The following CNTN6 variants were observed in gnomAD, a reference collection of about 807,000 sequenced individuals.
CNTN6 encodes contactin 6, also known as contactin-6.
A neutral mutation model predicts 122.8 loss-of-function variants in CNTN6; 137 were observed. That is an observed-to-expected ratio of 1.12 (90% CI 0.97 to 1.29). CNTN6 has a LOEUF of 1.29. Among genes scored for constraint, CNTN6 ranks in the 50% most tolerant of loss-of-function variants. The pLI is 0.00. For missense variants in CNTN6, 1,634 were observed against 1,223.4 expected, an observed-to-expected ratio of 1.34 and a Z score of -5.01; for synonymous variants, 570 against 426.0, an observed-to-expected ratio of 1.34 and a Z score of -4.16.
intron 2 of CNTN6, among the ~76,000 whole-genome samples, chr3:1,216,207 G>T (rs1455337276): frequency 6.6e-6 from 1 of 151,324 alleles, no homozygotes; most frequent in African/African-American, 2.4e-5. Flanking sequence ...AGAGGTAAAA[G>T]AAAAAGATAA....
intron 5 of CNTN6, among the ~76,000 whole-genome samples, chr3:1,291,672 T>C (rs538023776): frequency 5.3e-4 from 80 of 152,296 alleles, no homozygotes; most frequent in African/African-American, 1.9e-3. Flanking sequence ...CCTCTTTATA[T>C]TGAAGAAAAA....
intron 2 of CNTN6, among the ~76,000 whole-genome samples, chr3:1,179,158 C>A (rs1458724633): frequency 5.9e-5 from 9 of 152,034 alleles, no homozygotes; most frequent in Admixed American, 3.9e-4. Flanking sequence ...TTTTAAACAA[C>A]CAAATCTTGC....
At chr3:1,140,415 C>G (rs931556732) in intron 1 of CNTN6, among the ~76,000 whole-genome samples, 2 of 152,104 alleles carry the variant, frequency 1.3e-5, no homozygotes, top group African/African-American at 4.8e-5. Context: ...CGTTCTAGGT[C>G]ATGGACTAAA....
intron 7 of CNTN6, among the ~76,000 whole-genome samples, chr3:1,312,422 G>A (rs1032996726): frequency 2.0e-5 from 3 of 151,934 alleles, no homozygotes; most frequent in Non-Finnish European, 4.4e-5. Context: ...TTACTTTTAA[G>A]TAATTGGCAG....
rs554573382 is a variant in CNTN6 at position 1,230,788 on chromosome 3, T to C, written c.358+2795T>C. On this transcript the variant is annotated intron_variant, in intron 4 of 22. Coordinates refer to ENST00000446702, the MANE Select transcript of CNTN6 (RefSeq NM_001289080.2). ...AACTCATGCACTTCATGTCACAGTA[T>C]TGAGTCCTTCTCAAACACTGACCAC... Among the ~76,000 whole-genome samples the C allele has an allele frequency of 3.3e-5, 5 of 152,334 alleles. No homozygotes were observed. In the East Asian group the frequency reaches 5.8e-4, roughly 18 times the overall value.
chr3:1,292,119 C>G (rs1403911257), intron 5 of CNTN6, among the ~76,000 whole-genome samples: 1 of 152,038 alleles, frequency 6.6e-6, no homozygotes, highest in Non-Finnish European at 1.5e-5. Context: ...AGTAGATCAT[C>G]CACTGCTATC....
intron 5 of CNTN6, among the ~76,000 whole-genome samples, chr3:1,281,927 C>CT (rs1201408550): frequency 1.3e-5 from 2 of 151,658 alleles, no homozygotes; most frequent in African/African-American, 2.4e-5. Flanking sequence ...TTATACAAAA[C>CT]TTTTTTTTAA....
chr3:1,329,288 T>C (rs1445287113), intron 10 of CNTN6, among the ~76,000 whole-genome samples: 1 of 151,630 alleles, frequency 6.6e-6, no homozygotes, highest in Admixed American at 6.6e-5. Flanking sequence ...TATGTATGTA[T>C]ATGACATGTA....
intron 5 of CNTN6, among the ~76,000 whole-genome samples, chr3:1,280,888 C>G (rs1693291731): frequency 1.3e-5 from 2 of 152,132 alleles, no homozygotes; most frequent in South Asian, 4.1e-4. Flanking sequence ...GGGACACTCT[C>G]AACTTGTAGA....
At chr3:1,297,001 A>G (rs1298201032) in intron 6 of CNTN6, among the ~76,000 whole-genome samples, 1 of 152,124 alleles carries the variant, frequency 6.6e-6, no homozygotes, top group Non-Finnish European at 1.5e-5. Flanking sequence ...CTATTTTAAA[A>G]GTGAGCAGGT....
intron 11 of CNTN6, among the ~76,000 whole-genome samples, chr3:1,333,129 C>G (rs1276663152): frequency 6.6e-6 from 1 of 151,894 alleles, no homozygotes; most frequent in East Asian, 1.9e-4. Context: ...GAATTGGCAT[C>G]AGATTTCCAA....
chr3:1,245,273 ATACACACAC>A (rs1246294613), intron 4 of CNTN6, among the ~76,000 whole-genome samples: 1 of 9,190 alleles, frequency 1.1e-4, no homozygotes, highest in Non-Finnish European at 1.9e-4. Context: ...ATATATATAT[ATACACACAC>A]ATATATATAT....
chr3:1,238,429 C>A (rs981876725), intron 4 of CNTN6, among the ~76,000 whole-genome samples: 1 of 152,092 alleles, frequency 6.6e-6, no homozygotes, highest in Non-Finnish European at 1.5e-5. Flanking sequence ...CTGGTGCTCC[C>A]AAATTTATAA....
At chr3:1,291,854 A>G (rs1041423382) in intron 5 of CNTN6, among the ~76,000 whole-genome samples, 1 of 152,042 alleles carries the variant, frequency 6.6e-6, no homozygotes, top group Non-Finnish European at 1.5e-5. Flanking sequence ...GAAAATAAAG[A>G]CTCAATACAT....
chr3:1,358,765 A>T (rs1254113688), intron 12 of CNTN6, among the ~76,000 whole-genome samples: 2 of 151,982 alleles, frequency 1.3e-5, no homozygotes, highest in East Asian at 3.9e-4. Context: ...AAAAATTTCT[A>T]CTTTCATCTT....
chr3:1,228,044 T>C, intron 4 of CNTN6, 51 bp downstream of exon 4: 1 of 1,531,564 alleles, frequency 6.5e-7, no homozygotes, highest in South Asian at 1.1e-5. Context: ...TATAATATTC[T>C]TCTGATACAC....
chr3:1,166,270 G>C (rs2093246345), intron 2 of CNTN6, among the ~76,000 whole-genome samples: 1 of 152,088 alleles, frequency 6.6e-6, no homozygotes, highest in South Asian at 2.1e-4. Flanking sequence ...TCATTTTATA[G>C]ATCCCACATC....
At chr3:1,122,419 T>C (rs6770877) in intron 1 of CNTN6, among the ~76,000 whole-genome samples, 4,559 of 134,584 alleles carry the variant, frequency 0.034, 261 homozygotes, top group African/African-American at 0.13. Context: ...CAACCAGCGG[T>C]GATTTAAAAA....
At chr3:1,351,026 G>A (rs1705545220) in intron 11 of CNTN6, among the ~76,000 whole-genome samples, 1 of 151,722 alleles carries the variant, frequency 6.6e-6, no homozygotes, top group Non-Finnish European at 1.5e-5. Flanking sequence ...TGTCTGCTAT[G>A]GGAGAATACT....
Sources: gnomAD v4.1 joint callset for allele counts (sites outside exome capture counted in the v4.1 genomes callset) on GRCh38, gnomAD v4.1.1 for gene constraint, MANE v1.5 for transcripts, NCBI Gene and HGNC (gene_info 2026-07-23, HGNC 2026-07-21) for gene names.